Variants in DST observed in about 807,000 individuals in gnomAD.
DST encodes bullous pemphigoid antigen.
A neutral mutation model predicts 875.2 loss-of-function variants in DST; 253 were observed. The ratio of observed to expected loss-of-function variants is 0.29; its 90% CI spans 0.26 to 0.32. The LOEUF (loss-of-function observed/expected upper bound fraction) is 0.32. DST is among the 10% of genes least tolerant of loss of function. The pLI, the probability that DST is intolerant of heterozygous loss-of-function variation, is 1.00. For synonymous variants in DST, 3,124 were observed against 3,197.1 expected (o/e 0.98, Z 0.77); for missense variants, 8,287 against 9,111.6 (o/e 0.91, Z 3.68).
intron 93 of DST, among the ~76,000 whole-genome samples, chr6:56,472,655 G>C (rs1043738893): frequency 1.3e-5 from 2 of 152,172 alleles, no homozygotes; most frequent in African/African-American, 4.8e-5. Flanking sequence ...GAGAGCAGAT[G>C]AGGGCAGCAG....
intron 60 of DST, among the ~76,000 whole-genome samples, chr6:56,553,902 A>G (rs2097359723): frequency 6.6e-6 from 1 of 152,126 alleles, no homozygotes; most frequent in Non-Finnish European, 1.5e-5. Context: ...AAAACAAAGA[A>G]TAAGGAAATA....
At chr6:56,775,859 A>C (rs965366507) in intron 4 of DST, among the ~76,000 whole-genome samples, 4 of 152,240 alleles carry the variant, frequency 2.6e-5, no homozygotes, top group African/African-American at 9.6e-5. Context: ...AAATTAGAGA[A>C]GAAAGAAGTT....
In DST at chr6:56,491,930, TA is replaced by T. The variant is rs1359156670; in HGVS notation, c.20757+296del. On this transcript the variant is annotated intron_variant, in intron 85 of 103. Transcript: ENST00000680361. Reference sequence around the variant, plus strand: ...ACAAAGAAAAAGAAAACAAACCCAATAAAAAAAAATTCTGAGCTTCTTTCTG... The same window carrying T: ...ACAAAGAAAAAGAAAACAAACCCAATAAAAAAAATTCTGAGCTTCTTTCTG... Among the ~76,000 whole-genome samples the T allele has an allele frequency of 2.1e-4, 32 of 151,524 alleles. No homozygotes were observed. The South Asian group carries it at 6.5e-3, about 31-fold the overall frequency.
In DST at chr6:56,616,688, C is replaced by T. The variant is rs865855414; in HGVS notation, c.4930-2204G>A. 3.7e-6 allele frequency: 6 copies of T among 1,614,048 alleles called. No individual in the cohort carries two copies. In the African/African-American group the frequency reaches 6.7e-5, roughly 18 times the overall value. ...AGCAATTTCTGGAGGAACACGAATG[C>T]CTCTCACAGGGTCAATGACACCCCC... On this transcript the variant is annotated intron_variant, in intron 36 of 103. Coordinates refer to ENST00000680361, the MANE Select transcript of DST (RefSeq NM_001374736.1).
In DST at chr6:56,816,149, T is replaced by G. The variant is rs140764733; in HGVS notation, c.625+35248A>C. ...CCCTGAAAGGAGTACTCCCTCAATC[T>G]CATTAATATCACAATCTCTCCCCTA... On this transcript the variant is annotated intron_variant, in intron 4 of 103. Transcript: ENST00000680361. Among the ~76,000 whole-genome samples, 517 of 152,274 alleles carry G rather than the reference T, an allele frequency of 3.4e-3. 4 individuals carry two copies. Among genetic ancestry groups the G allele is most frequent in the African/African-American group, 0.012 (502 of 41,552 alleles).
chr6:56,791,064 TG>T (rs1452908923), intron 4 of DST, among the ~76,000 whole-genome samples: 1 of 152,200 alleles, frequency 6.6e-6, no homozygotes, highest in African/African-American at 2.4e-5. Flanking sequence ...AGTGGGTGAA[TG>T]AGAGTAGCTG....
Position 56,517,312 on chromosome 6 carries a change from T to C in DST, c.18250-7A>G, listed in dbSNP as rs771413644. On this transcript the variant is annotated splice_region_variant and splice_polypyrimidine_tract_variant and intron_variant, in intron 70 of 103. Transcript: ENST00000680361. ...AAATCTCCATGGTGAATGTCTGTGA[T>C]TTACCAAAATAAAGACAAAAAATAA... The C allele has an allele frequency of 1.2e-6, 2 of 1,607,826 alleles. No homozygotes were observed. Among genetic ancestry groups the C allele is most frequent in the East Asian group, 2.2e-5 (1 of 44,832 alleles).
chr6:56,621,488 C>T (rs1028645738), intron 36 of DST, among the ~76,000 whole-genome samples: 3 of 152,070 alleles, frequency 2.0e-5, no homozygotes, highest in African/African-American at 7.2e-5. Context: ...AATAACATGC[C>T]TCATATGAAT....
At chr6:56,742,802 T>C (rs1047338496) in intron 4 of DST, among the ~76,000 whole-genome samples, 5 of 152,176 alleles carry the variant, frequency 3.3e-5, no homozygotes, top group African/African-American at 1.2e-4. Flanking sequence ...AGTAACATGA[T>C]TTGGAAGGAT....
rs1460221735 is a variant in DST at position 56,506,200 on chromosome 6, A to G, written c.19464+243T>C. On this transcript the variant is annotated intron_variant, in intron 77 of 103. Coordinates refer to ENST00000680361, the MANE Select transcript of DST (RefSeq NM_001374736.1). ...ATCAAAATATTTCTTTTCAAAGTAA[A>G]TTTCACTGAATGTGTATACAGAAAT... is the stretch of plus-strand genomic sequence containing the variant. Among the ~76,000 whole-genome samples the G allele has an allele frequency of 2.6e-5, 4 of 152,214 alleles. No homozygotes were observed. In the East Asian group the frequency reaches 5.8e-4, roughly 22 times the overall value.
At chr6:56,882,593 A>G (rs968119494) in intron 3 of DST, among the ~76,000 whole-genome samples, 1 of 152,226 alleles carries the variant, frequency 6.6e-6, no homozygotes, top group African/African-American at 2.4e-5. Flanking sequence ...AAAGCAAATA[A>G]TCTACCACTG....
intron 10 of DST, among the ~76,000 whole-genome samples, chr6:56,664,401 C>T (rs565054686): frequency 2.0e-5 from 3 of 152,192 alleles, no homozygotes; most frequent in South Asian, 2.1e-4. Context: ...TGTGATGCCT[C>T]GGCAAACCCT....
intron 4 of DST, 50 bp downstream of exon 4, chr6:56,851,347 T>C (rs1395840016): frequency 1.9e-6 from 3 of 1,558,994 alleles, no homozygotes; most frequent in Non-Finnish European, 2.6e-6. Context: ...GATGGGCGAA[T>C]TTCCGCAACT....
intron 5 of DST, among the ~76,000 whole-genome samples, chr6:56,726,103 T>G (rs1232061625): frequency 6.6e-6 from 1 of 152,204 alleles, no homozygotes; most frequent in Non-Finnish European, 1.5e-5. Flanking sequence ...CAGCTTCCCT[T>G]TGAAGTCAGC....
intron 58 of DST, among the ~76,000 whole-genome samples, 164 bp from the exon 59 acceptor site, chr6:56,557,682 A>C (rs546527035): frequency 3.9e-5 from 6 of 152,244 alleles, no homozygotes; most frequent in African/African-American, 1.4e-4. Flanking sequence ...ACGATTTTAT[A>C]GGTCTGATGG....
chr6:56,475,793 G>A (rs1220039358), intron 92 of DST, among the ~76,000 whole-genome samples: 1 of 152,188 alleles, frequency 6.6e-6, no homozygotes, highest in Non-Finnish European at 1.5e-5. Context: ...GGAGGTGGGT[G>A]AGATCACCAA....
At position 56,605,109 on chromosome 6, in the gene DST, T is replaced by A. The variant is rs1280969523; in HGVS notation, c.9519A>T (p.Gly3173=). Residue 3173 remains glycine (G), a synonymous_variant, in exon 40 of 104, where the codon GGA becomes GGT. Transcript: ENST00000680361. ...NTHFEESFTD[G]PEKELDLFTY... ...TAAACAGATCAAGCTCTTTCTCAGG[T>A]CCATCAGTGAATGACTCCTCAAAAT... 1 of 1,612,790 alleles carries A rather than the reference T, an allele frequency of 6.2e-7. No homozygotes were observed. Among genetic ancestry groups the A allele is most frequent in the South Asian group, 1.1e-5 (1 of 91,018 alleles).
intron 15 of DST, chr6:56,642,820 C>T (rs1215599584): frequency 6.2e-7 from 1 of 1,613,032 alleles, no homozygotes; most frequent in East Asian, 2.2e-5. Flanking sequence ...CTTTCTTTCA[C>T]CTTTCAAAGT....
chr6:56,567,790 A>C (rs1304082297), intron 55 of DST, among the ~76,000 whole-genome samples: 1 of 152,218 alleles, frequency 6.6e-6, no homozygotes, highest in Admixed American at 6.5e-5. Flanking sequence ...AAGATATCAG[A>C]GCTGCCTTCT....
Sources: allele counts gnomAD v4.1 joint callset (sites outside exome capture counted in the v4.1 genomes callset), GRCh38; gene constraint gnomAD v4.1.1; transcripts MANE v1.5; gene names NCBI Gene and HGNC (gene_info 2026-07-23, HGNC 2026-07-21).